The following MLIP variants were observed in gnomAD, a reference collection of about 807,000 sequenced individuals.
MLIP encodes muscular LMNA-interacting protein.
A neutral mutation model predicts 84.8 loss-of-function variants in MLIP; 79 were observed. The observed-to-expected ratio is 0.93, with a 90% CI of 0.78 to 1.12. MLIP has a LOEUF of 1.12. Ranked by LOEUF, MLIP falls within the 50% of genes most tolerant of loss-of-function variation. The pLI is 0.00. For missense variants in MLIP, 1,257 were observed against 1,160.6 expected (o/e 1.08, Z -1.21); for synonymous variants, 504 against 463.0 (o/e 1.09, Z -1.14).
At chr6:54,149,787 A>C (rs1383916594) in intron 5 of MLIP, among the ~76,000 whole-genome samples, 1 of 152,158 alleles carries the variant, frequency 6.6e-6, no homozygotes, top group East Asian at 1.9e-4. Context: ...ATTAATAATA[A>C]AATTATAGGC....
chr6:54,160,824 A>G, intron 8 of MLIP, 25 bp downstream of exon 8: 4 of 1,580,810 alleles, frequency 2.5e-6, no homozygotes, highest in Non-Finnish European at 3.5e-6. Context: ...AATATAATTT[A>G]TGGAACCATA....
chr6:54,112,403 ATGAGTATTAGATCCTTGG>A (rs1769541980), intron 1 of MLIP, among the ~76,000 whole-genome samples: 1 of 142,246 alleles, frequency 7.0e-6, no homozygotes, highest in Non-Finnish European at 1.6e-5. Flanking sequence ...TTCCTTGTGA[ATGAGTATTAGATCCTTGG>A]TAAGTTAAGG....
intron 4 of MLIP, 21 bp from the exon 5 acceptor site, chr6:54,149,035 C>T (rs746747164): frequency 1.2e-6 from 2 of 1,607,658 alleles, no homozygotes; most frequent in Admixed American, 1.7e-5. Context: ...TCTACTCTTG[C>T]TTTCTGGTTG....
chr6:54,073,197 C>G (rs529601742), intron 1 of MLIP, among the ~76,000 whole-genome samples: 1 of 152,146 alleles, frequency 6.6e-6, no homozygotes, highest in African/African-American at 2.4e-5. Flanking sequence ...ACTTGGAGTT[C>G]CTTTTTGCAG....
intron 5 of MLIP, among the ~76,000 whole-genome samples, chr6:54,159,555 T>C (rs1318810398): frequency 1.3e-5 from 2 of 152,062 alleles, no homozygotes; most frequent in African/African-American, 4.8e-5. Flanking sequence ...GGTTGGTTTC[T>C]AGATTTTATA....
Position 54,235,958 on chromosome 6 carries a change from G to C in MLIP, c.2922+5041G>C, listed in dbSNP as rs79813530. On this transcript the variant is annotated intron_variant, in intron 12 of 13. Transcript: ENST00000502396. ...GCATGTCCTTATCAACTGTAGGTCA[G>C]TTACTTTTGTGCCCCTACAGCTTAC... Among the ~76,000 whole-genome samples the C allele has an allele frequency of 2.1e-3, 313 of 152,246 alleles. 4 individuals carry two copies. Among genetic ancestry groups the C allele is most frequent in the African/African-American group, 7.0e-3 (290 of 41,528 alleles).
At chr6:54,179,699 C>T (rs149047068) in intron 9 of MLIP, among the ~76,000 whole-genome samples, 2 of 152,198 alleles carry the variant, frequency 1.3e-5, no homozygotes, top group Non-Finnish European at 2.9e-5. Context: ...AAAAACCCTA[C>T]ACTTTAACTT....
intron 1 of MLIP, among the ~76,000 whole-genome samples, chr6:54,036,091 C>T (rs1485740990): frequency 2.0e-5 from 3 of 151,824 alleles, no homozygotes; most frequent in Admixed American, 6.6e-5. Flanking sequence ...AGCTTTATTG[C>T]TTGTCATTGT....
intron 9 of MLIP, among the ~76,000 whole-genome samples, chr6:54,181,617 C>T (rs567095564): frequency 3.2e-4 from 49 of 152,302 alleles, no homozygotes; most frequent in Middle Eastern, 3.4e-3. Context: ...CAGCTGAGAA[C>T]GTGATGGGTC....
rs1771817159 is a variant in MLIP at position 54,136,613 on chromosome 6, C to T, written c.646-102C>T. 3 of 1,176,342 alleles carry T rather than the reference C, an allele frequency of 2.6e-6. No homozygotes were observed. In the South Asian group the frequency reaches 6.5e-5, roughly 25 times the overall value. The allele number at this position is 1,176,342 out of a possible 1,614,324, so 72.9% of individuals were successfully genotyped here. A position where few individuals can be genotyped will look rare whatever the true frequency, so the allele number is the denominator to read the frequency against. On this transcript the variant is annotated intron_variant, in intron 3 of 13. Coordinates refer to ENST00000502396, the MANE Select transcript of MLIP (RefSeq NM_001281747.2). ...TTTTTGTGGAGGTTTAAGATGCCTC[C>T]TTTTGTGTAAATTGTTTGTATAATC...
At chr6:54,128,016 G>T (rs1051320109) in intron 3 of MLIP, among the ~76,000 whole-genome samples, 1 of 152,194 alleles carries the variant, frequency 6.6e-6, no homozygotes, top group Non-Finnish European at 1.5e-5. Context: ...GATAGTGACT[G>T]TGGGAATAGA....
chr6:54,060,937 T>C (rs1411929644), intron 1 of MLIP, among the ~76,000 whole-genome samples: 1 of 151,564 alleles, frequency 6.6e-6, no homozygotes, highest in Non-Finnish European at 1.5e-5. Context: ...AAGAGAGATC[T>C]TGGGATCTTA....
chr6:54,145,429 G>A (rs1017272205), intron 4 of MLIP, among the ~76,000 whole-genome samples: 11 of 152,064 alleles, frequency 7.2e-5, no homozygotes, highest in African/African-American at 2.7e-4. Flanking sequence ...AAAAGGAAAG[G>A]GTATGTATGT....
In MLIP at chr6:54,060,457, A is replaced by G. The variant is rs1765902804; in HGVS notation, c.63+41366A>G. ...TCAAGGGGCTAGAGTCAGAGAAAACAGGAAGGAAATCACAGTTGGGTGAGA... is the reference window on the plus strand; with the variant it reads ...TCAAGGGGCTAGAGTCAGAGAAAACGGGAAGGAAATCACAGTTGGGTGAGA... On this transcript the variant is annotated intron_variant, in intron 1 of 12. Transcript: ENST00000274897. Among the ~76,000 whole-genome samples the G allele has an allele frequency of 2.6e-5, 4 of 152,220 alleles. No individual in the cohort carries two copies. The South Asian group carries it at 6.2e-4, about 24-fold the overall frequency.
chr6:54,063,588 T>A (rs1297022262), intron 1 of MLIP, among the ~76,000 whole-genome samples: 5 of 152,212 alleles, frequency 3.3e-5, no homozygotes, highest in Admixed American at 3.3e-4. Context: ...TTAAAACATT[T>A]GGCTTCATCA....
intron 9 of MLIP, among the ~76,000 whole-genome samples, chr6:54,186,399 A>G (rs1026319695): frequency 6.6e-6 from 1 of 152,198 alleles, no homozygotes; most frequent in African/African-American, 2.4e-5. Context: ...TAAATGCAGA[A>G]ATGCTCGATA....
intron 8 of MLIP, among the ~76,000 whole-genome samples, chr6:54,165,251 C>G (rs563295752): frequency 8.0e-4 from 121 of 152,008 alleles, no homozygotes; most frequent in African/African-American, 2.9e-3. Context: ...TTGCCACTTC[C>G]TCTCCACCCT....
At chr6:54,048,741 G>A (rs1033021197) in intron 1 of MLIP, among the ~76,000 whole-genome samples, 1 of 152,176 alleles carries the variant, frequency 6.6e-6, no homozygotes, top group Non-Finnish European at 1.5e-5. Flanking sequence ...TATGTTTGAA[G>A]TATCTGTGGG....
At chr6:54,128,396 G>A (rs1038252197) in intron 3 of MLIP, among the ~76,000 whole-genome samples, 20 of 152,028 alleles carry the variant, frequency 1.3e-4, no homozygotes, top group African/African-American at 4.8e-4. Flanking sequence ...AAGCACCTAT[G>A]AAAAAAGAGA....
Sources: gnomAD v4.1 joint callset for allele counts (sites outside exome capture counted in the v4.1 genomes callset) on GRCh38, gnomAD v4.1.1 for gene constraint, MANE v1.5 for transcripts, NCBI Gene and HGNC (gene_info 2026-07-23, HGNC 2026-07-21) for gene names.